Variants in CAPZB observed in about 807,000 individuals in gnomAD.
The protein encoded by CAPZB is F-actin-capping protein subunit beta.
Under a neutral mutation model 38.1 loss-of-function variants are expected in CAPZB, and 2 were observed. That is an observed-to-expected ratio of 0.05 (90% CI 0.02 to 0.17). The LOEUF (loss-of-function observed/expected upper bound fraction) is 0.17. Among genes scored for constraint, CAPZB ranks in the 10% least tolerant of loss-of-function variants. The pLI is 1.00. For missense variants in CAPZB, 161 were observed against 334.2 expected, an observed-to-expected ratio of 0.48 and a Z score of 4.04; for synonymous variants, 107 against 127.4, an observed-to-expected ratio of 0.84 and a Z score of 1.08.
intron 1 of CAPZB, among the ~76,000 whole-genome samples, chr1:19,442,483 A>C (rs1184600601): frequency 1.3e-5 from 2 of 152,198 alleles, no homozygotes; most frequent in Non-Finnish European, 2.9e-5. Flanking sequence ...TCTGAATTTA[A>C]ATCAGGCAAC....
At position 19,372,952 on chromosome 1, in the gene CAPZB, T is replaced by A. The variant is rs185802427; in HGVS notation, c.329+5588A>T. On this transcript the variant is annotated intron_variant, in intron 4 of 8. Transcript: ENST00000264202. ...ATGAAGGTGACTTGCGAGCAGATAA[T>A]ACCCTCACCTGGCCCCAGCACACCA... Among the ~76,000 whole-genome samples, 103 of 152,172 alleles carry A rather than the reference T, an allele frequency of 6.8e-4. 1 individual carries two copies.
intron 1 of CAPZB, among the ~76,000 whole-genome samples, chr1:19,471,708 C>G (rs2094588290): frequency 6.6e-6 from 1 of 151,712 alleles, no homozygotes; most frequent in Non-Finnish European, 1.5e-5. Flanking sequence ...ACTAAAAATA[C>G]CAAAAAAAAT....
intron 1 of CAPZB, among the ~76,000 whole-genome samples, chr1:19,456,968 T>C (rs1402980806): frequency 6.6e-6 from 1 of 152,184 alleles, no homozygotes; most frequent in Non-Finnish European, 1.5e-5. Flanking sequence ...ATCCAGGAAA[T>C]GGACCAGCAT....
intron 1 of CAPZB, among the ~76,000 whole-genome samples, chr1:19,455,355 T>C (rs2094529741): frequency 6.6e-6 from 1 of 152,220 alleles, no homozygotes; most frequent in Non-Finnish European, 1.5e-5. Context: ...TTTTATTTCT[T>C]AACTCAAAAA....
chr1:19,407,319 A>G (rs894870205), intron 2 of CAPZB, among the ~76,000 whole-genome samples: 2 of 152,196 alleles, frequency 1.3e-5, no homozygotes, highest in Non-Finnish European at 2.9e-5. Flanking sequence ...GTGAGCTGCT[A>G]AAATAGCCTC....
chr1:19,346,344 T>C (rs985324049), intron 6 of CAPZB, among the ~76,000 whole-genome samples: 4 of 149,670 alleles, frequency 2.7e-5, no homozygotes, highest in African/African-American at 9.9e-5. Flanking sequence ...AATACAAAAA[T>C]GCAGTACTCT....
At chr1:19,414,985 C>G (rs868247643) in intron 2 of CAPZB, among the ~76,000 whole-genome samples, 1 of 152,226 alleles carries the variant, frequency 6.6e-6, no homozygotes, top group Non-Finnish European at 1.5e-5. Context: ...CTCTCTGATG[C>G]TGGGAAGAAA....
At chr1:19,459,349 A>C (rs2094543145) in intron 1 of CAPZB, among the ~76,000 whole-genome samples, 1 of 152,368 alleles carries the variant, frequency 6.6e-6, no homozygotes, top group East Asian at 1.9e-4. Flanking sequence ...GGTAGAATGA[A>C]AAGTCGTTAA....
chr1:19,359,037 T>C (rs2094037624), intron 4 of CAPZB, among the ~76,000 whole-genome samples: 1 of 152,188 alleles, frequency 6.6e-6, no homozygotes, highest in Admixed American at 6.5e-5. Context: ...TTTCTACGGC[T>C]GTTGAGAGAC....
intron 2 of CAPZB, among the ~76,000 whole-genome samples, chr1:19,409,188 C>T (rs185912609): frequency 2.6e-5 from 4 of 152,188 alleles, no homozygotes; most frequent in Non-Finnish European, 1.5e-5. Context: ...AATATGCCAA[C>T]ATGGGTGATG....
chr1:19,451,126 A>G lies in CAPZB; in HGVS notation c.4-31376T>C, dbSNP rs527418233. On this transcript the variant is annotated intron_variant, in intron 1 of 8. Transcript: ENST00000264202. ...AAATCAGCCATGTTAAGGGGTTGTTATTGCACCTCTCCTCAGGACCAGCTG... is the reference window on the plus strand; with the variant it reads ...AAATCAGCCATGTTAAGGGGTTGTTGTTGCACCTCTCCTCAGGACCAGCTG... 3.3e-5 allele frequency among the ~76,000 whole-genome samples: 5 copies of G among 152,332 alleles called. No individual in the cohort carries two copies. In the South Asian group the frequency reaches 1.0e-3, roughly 32 times the overall value.
In CAPZB at chr1:19,484,263, C is replaced by A. The variant is rs761391822; in HGVS notation, c.3+1173G>T. ...ACAGTTCAGAGGGAAGGGGAGGCTGCGCCTGCTTGGGTGCATCGTGTCCAG... is the reference window on the plus strand; with the variant it reads ...ACAGTTCAGAGGGAAGGGGAGGCTGAGCCTGCTTGGGTGCATCGTGTCCAG... On this transcript the variant is annotated intron_variant, in intron 1 of 8. Coordinates refer to ENST00000264202, the MANE Select transcript of CAPZB (RefSeq NM_004930.5). 5 of 1,612,030 alleles carry A rather than the reference C, an allele frequency of 3.1e-6. No homozygotes were observed. The South Asian group carries it at 4.4e-5, about 14-fold the overall frequency.
intron 2 of CAPZB, among the ~76,000 whole-genome samples, chr1:19,409,508 C>G (rs150972155): frequency 2.6e-5 from 4 of 152,318 alleles, no homozygotes; most frequent in African/African-American, 9.6e-5. Context: ...GCCTATGTAG[C>G]CAGCTCTTTC....
intron 4 of CAPZB, among the ~76,000 whole-genome samples, chr1:19,363,981 C>T (rs1472856460): frequency 6.6e-6 from 1 of 152,220 alleles, no homozygotes; most frequent in Non-Finnish European, 1.5e-5. Context: ...CTAGGGTTCA[C>T]TGAGACATGT....
intron 6 of CAPZB, among the ~76,000 whole-genome samples, chr1:19,349,498 C>T (rs76574843): frequency 0.014 from 2,121 of 152,272 alleles, 63 homozygotes; most frequent in East Asian, 0.13. Flanking sequence ...AGAGAGGCCG[C>T]GGCCATCGGC....
At chr1:19,400,851 GCCATCTTTTTCA>G (rs1255939362) in intron 2 of CAPZB, among the ~76,000 whole-genome samples, 1 of 152,182 alleles carries the variant, frequency 6.6e-6, no homozygotes, top group Non-Finnish European at 1.5e-5. Flanking sequence ...GGTGACAAGA[GCCATCTTTTTCA>G]CCACTGGAGA....
chr1:19,460,072 G>T, intron 1 of CAPZB, among the ~76,000 whole-genome samples: 1 of 151,492 alleles, frequency 6.6e-6, no homozygotes, highest in East Asian at 1.9e-4. Flanking sequence ...AATAAGGAAC[G>T]AAAAAAAACT....
intron 2 of CAPZB, among the ~76,000 whole-genome samples, chr1:19,390,767 C>T (rs2094229616): frequency 6.6e-6 from 1 of 152,174 alleles, no homozygotes; most frequent in South Asian, 2.1e-4. Flanking sequence ...GACTAGGATG[C>T]CATTGGCAAC....
chr1:19,429,721 T>C (rs748258022), intron 1 of CAPZB, among the ~76,000 whole-genome samples: 1 of 152,198 alleles, frequency 6.6e-6, no homozygotes, highest in Non-Finnish European at 1.5e-5. Context: ...CCTGGATTTT[T>C]CCCTCACTTG....
Sources: gnomAD v4.1 joint callset for allele counts (sites outside exome capture counted in the v4.1 genomes callset) on GRCh38, gnomAD v4.1.1 for gene constraint, MANE v1.5 for transcripts, NCBI Gene and HGNC (gene_info 2026-07-23, HGNC 2026-07-21) for gene names.